Variants in ENDOV observed in about 807,000 individuals in gnomAD.
ENDOV encodes hEndoV.
A neutral mutation model predicts 39.4 loss-of-function variants in ENDOV; 37 were observed. The ratio of observed to expected loss-of-function variants is 0.94; its 90% CI spans 0.72 to 1.23. The LOEUF (loss-of-function observed/expected upper bound fraction) is 1.23. ENDOV is among the 50% of genes most tolerant of loss of function. The probability of loss-of-function intolerance (pLI) is 0.00; values close to 1 mark genes in which losing one functional copy is unlikely to be tolerated. For missense variants in ENDOV, 441 were observed against 375.7 expected, an observed-to-expected ratio of 1.17 and a Z score of -1.44; for synonymous variants, 186 against 163.4, an observed-to-expected ratio of 1.14 and a Z score of -1.05.
intron 9 of ENDOV, among the ~76,000 whole-genome samples, chr17:80,432,120 G>A (rs41301908): frequency 6.6e-6 from 1 of 152,302 alleles, no homozygotes; most frequent in East Asian, 1.9e-4. Context: ...CACCTGATAA[G>A]CCGAGAGCTG....
At chr17:80,428,062 T>C (rs1433261754) in intron 7 of ENDOV, among the ~76,000 whole-genome samples, 1 of 152,144 alleles carries the variant, frequency 6.6e-6, no homozygotes, top group Non-Finnish European at 1.5e-5. Flanking sequence ...TCAGTGTCCC[T>C]CCCTGCTAGG....
chr17:80,436,028 T>A, intron 9 of ENDOV, 105 bp from the exon 10 acceptor site: 1 of 1,303,574 alleles, frequency 7.7e-7, no homozygotes, highest in South Asian at 1.2e-5. Context: ...GTGCTGAGAT[T>A]ACAGGCGCGA....
At chr17:80,432,107 C>T (rs2083365673) in intron 9 of ENDOV, among the ~76,000 whole-genome samples, 1 of 152,148 alleles carries the variant, frequency 6.6e-6, no homozygotes, top group African/African-American at 2.4e-5. Flanking sequence ...GAGTCCAGGG[C>T]AGCACCTGAT....
chr17:80,421,919 TG>T lies in ENDOV; in HGVS notation c.322del (p.Val108CysfsTer90), dbSNP rs776545396. 1.2e-5 allele frequency: 20 copies of T among 1,611,266 alleles called. No individual in the cohort carries two copies. The highest frequency in any genetic ancestry group is 1.7e-5 in the Non-Finnish European group (20 of 1,179,540). On this transcript the variant is annotated frameshift_variant, in exon 3 of 10. Coordinates refer to ENST00000518137, the MANE Select transcript of ENDOV (RefSeq NM_173627.5). LOFTEE classifies it high-confidence loss of function. ...AFREVPFLLE[L>X]VQQLREKEPG... ...CGAGAGGTGCCCTTCTTGCTGGAGC[TG>T]GTGCAGCAGCTGCGGGAGAAGGAGC...
At chr17:80,433,695 AGG>A (rs906747563) in intron 9 of ENDOV, among the ~76,000 whole-genome samples, 1 of 152,124 alleles carries the variant, frequency 6.6e-6, no homozygotes, top group Non-Finnish European at 1.5e-5. Flanking sequence ...CACCTCTGTG[AGG>A]GGGGCAGAGA....
At position 80,415,722 on chromosome 17, in the gene ENDOV, G is replaced by C. The variant is rs760298833; in HGVS notation, c.129G>C (p.Ser43=). The change falls in exon 2 of 10, where the codon TCG becomes TCC. Residue 43 remains serine, a synonymous_variant. Transcript: ENST00000518137. The stretch of plus-strand genomic sequence containing the variant: ...CGTGGCAGCGAGACCCCGCCTTCTC[G>C]GGTCTGCAGAGGGTCGGGGGCGTTG... ...TEAWQRDPAF[S]GLQRVGGVDV... 2 of 1,609,714 alleles carry C rather than the reference G, an allele frequency of 1.2e-6. No individual in the cohort carries two copies. The highest frequency in any genetic ancestry group is 1.7e-6 in the Non-Finnish European group (2 of 1,178,166).
At chr17:80,429,724 A>C (rs1426558735) in intron 8 of ENDOV, 49 bp from the exon 9 acceptor site, 2 of 1,538,006 alleles carry the variant, frequency 1.3e-6, no homozygotes, top group South Asian at 2.4e-5. Context: ...AGGGGGTGTC[A>C]GGTAGGCGCT....
intron 7 of ENDOV, 116 bp downstream of exon 7, chr17:80,425,736 G>C: frequency 6.8e-7 from 1 of 1,469,496 alleles, no homozygotes; most frequent in African/African-American, 1.4e-5. Context: ...TGAGGACGGG[G>C]GTTCCTGGGC....
In ENDOV at chr17:80,428,476, G is replaced by C. The variant is rs2083001546; in HGVS notation, c.715-120G>C. The C allele has an allele frequency of 5.3e-6, 5 of 950,062 alleles. No homozygotes were observed. In the East Asian group the frequency reaches 1.3e-4, roughly 25 times the overall value. The allele number at this position is 950,062 out of a possible 1,614,324, so 58.9% of individuals were successfully genotyped here. ...GGCTCCTGAGCCTGAAGAACTGGCT[G>C]TGACCTGTGTGTCCTGAGTGGGCTT... On this transcript the variant is annotated intron_variant, in intron 7 of 9. Transcript: ENST00000518137.
chr17:80,423,790 G>A lies in ENDOV; in HGVS notation c.516+158G>A, dbSNP rs540310042. On this transcript the variant is annotated intron_variant, in intron 5 of 9. Coordinates refer to ENST00000518137, the MANE Select transcript of ENDOV (RefSeq NM_173627.5). ...GAGTAAGAAAGACCTGCTTTCCTCTGGGTGCTGCATTGCCTGTCTCAGCTG... is the reference window on the plus strand; with the variant it reads ...GAGTAAGAAAGACCTGCTTTCCTCTAGGTGCTGCATTGCCTGTCTCAGCTG... 1.3e-5 allele frequency: 9 copies of A among 671,024 alleles called. No homozygotes were observed. The South Asian group carries it at 1.4e-4, about 10-fold the overall frequency. The allele number at this position is 671,024 out of a possible 1,614,324, so 41.6% of individuals were successfully genotyped here.
At chr17:80,425,340 A>C in intron 6 of ENDOV, 152 bp from the exon 7 acceptor site, 1 of 1,190,126 alleles carries the variant, frequency 8.4e-7, no homozygotes, top group Non-Finnish European at 1.1e-6. Flanking sequence ...AGGCGCCCTG[A>C]GGGTGGGCAG....
rs757621707 is a variant in ENDOV at position 80,423,642 on chromosome 17, G to A, written c.516+10G>A. On this transcript the variant is annotated intron_variant, in intron 5 of 9. Coordinates refer to ENST00000518137, the MANE Select transcript of ENDOV (RefSeq NM_173627.5). ...CCTGCACAAGGAGAAGGTGAGGAGG[G>A]GCCTGCTGCAGGCCATGCCCGGCAG... 5.8e-6 allele frequency: 9 copies of A among 1,549,096 alleles called. No individual in the cohort carries two copies. The highest frequency in any genetic ancestry group is 7.0e-6 in the Non-Finnish European group (8 of 1,147,032).
intron 7 of ENDOV, chr17:80,428,349 A>C: frequency 1.9e-6 from 1 of 533,666 alleles, no homozygotes; most frequent in Non-Finnish European, 3.4e-6. Context: ...CCAGCTACTC[A>C]GGCCCTTCAG....
chr17:80,432,351 A>G (rs1211643952), intron 9 of ENDOV, among the ~76,000 whole-genome samples: 1 of 152,042 alleles, frequency 6.6e-6, no homozygotes, highest in Admixed American at 6.5e-5. Context: ...CCCACCTAGC[A>G]TCTTTGGCAA....
At chr17:80,427,403 T>A in intron 7 of ENDOV, 1 of 985,254 alleles carries the variant, frequency 1.0e-6, no homozygotes, top group Non-Finnish European at 1.2e-6. Context: ...GGCCCATCCT[T>A]GCAAGGGAGG....
At chr17:80,421,312 A>G (rs1003497350) in intron 2 of ENDOV, among the ~76,000 whole-genome samples, 15 of 128,056 alleles carry the variant, frequency 1.2e-4, no homozygotes, top group Admixed American at 2.3e-4. Context: ...CATACAGACC[A>G]GATCCCGGGG....
intron 9 of ENDOV, chr17:80,433,026 C>T (rs2083422673): frequency 4.2e-6 from 2 of 473,276 alleles, no homozygotes; most frequent in Admixed American, 2.2e-5. Flanking sequence ...ACCCCCTGCC[C>T]CAAACAAATG....
chr17:80,415,810 C>T lies in ENDOV; in HGVS notation c.217C>T (p.Pro73Ser). The T allele has an allele frequency of 1.3e-6, 2 of 1,595,554 alleles. No individual in the cohort carries two copies. The highest frequency in any genetic ancestry group is 1.7e-6 in the Non-Finnish European group (2 of 1,171,194). ...ACASLVVLSFPELEVVYEESR... is the reference protein window; with the variant it reads ...ACASLVVLSFSELEVVYEESR... ...TGCTTCCCTGGTGGTGCTCAGCTTC[C>T]CTGAGCTCGAGGTAACCTGGGAGGA... The change falls in exon 2 of 10, where the codon CCT (proline) becomes TCT (serine). Residue 73 changes from proline (P) to serine (S), a missense_variant. Transcript: ENST00000518137.
intron 7 of ENDOV, chr17:80,427,679 G>A: frequency 7.9e-7 from 1 of 1,272,418 alleles, no homozygotes; most frequent in South Asian, 1.3e-5. Flanking sequence ...TTCACCTCCT[G>A]CTCTGTTCCA....
Sources: allele counts gnomAD v4.1 joint callset (sites outside exome capture counted in the v4.1 genomes callset), GRCh38; gene constraint gnomAD v4.1.1; transcripts MANE v1.5; gene names NCBI Gene and HGNC (gene_info 2026-07-23, HGNC 2026-07-21).